The following GALNT13 variants were observed in gnomAD, a reference collection of about 807,000 sequenced individuals.
GALNT13 encodes UDP-GalNAc:polypeptide N-acetylgalactosaminyltransferase 13.
Under a neutral mutation model 64.2 loss-of-function variants are expected in GALNT13, and 28 were observed. The observed-to-expected ratio is 0.44, with a 90% CI of 0.32 to 0.60. GALNT13 has a LOEUF of 0.60. Among genes scored for constraint, GALNT13 ranks in the 20% least tolerant of loss-of-function variants. The pLI, the probability that GALNT13 is intolerant of heterozygous loss-of-function variation, is 0.05. For missense variants in GALNT13, 577 were observed against 669.8 expected, an observed-to-expected ratio of 0.86 and a Z score of 1.53; for synonymous variants, 214 against 224.6, an observed-to-expected ratio of 0.95 and a Z score of 0.42.
Position 154,164,608 on chromosome 2 carries a change from G to T in GALNT13, c.311+24103G>T, listed in dbSNP as rs374840266. ...AACTCTGTTGACTAAACAGAGAATT[G>T]TTATGTTAAGTTAAAAGGTTTTTTC... is the stretch of plus-strand genomic sequence containing the variant. On this transcript the variant is annotated intron_variant, in intron 4 of 12. Coordinates refer to ENST00000392825, the MANE Select transcript of GALNT13 (RefSeq NM_052917.4). 5.3e-5 allele frequency among the ~76,000 whole-genome samples: 8 copies of T among 152,016 alleles called. No homozygotes were observed. The East Asian group carries it at 5.8e-4, about 11-fold the overall frequency.
the GALNT13 span, among the ~76,000 whole-genome samples, chr2:153,540,828 C>A: frequency 6.6e-6 from 1 of 152,192 alleles, no homozygotes; most frequent in Admixed American, 6.5e-5. Context: ...TGTATTTACC[C>A]AATATCTGTA....
At chr2:154,310,236 G>T (rs1260504975) in intron 9 of GALNT13, among the ~76,000 whole-genome samples, 1 of 152,094 alleles carries the variant, frequency 6.6e-6, no homozygotes, top group African/African-American at 2.4e-5. Flanking sequence ...CCCACTAAAT[G>T]ATGTGAATAA....
the GALNT13 span, among the ~76,000 whole-genome samples, chr2:153,202,506 G>T: frequency 6.6e-6 from 1 of 152,264 alleles, no homozygotes; most frequent in South Asian, 2.1e-4. Flanking sequence ...CAAATTCTGT[G>T]GAATAACTGC....
intron 9 of GALNT13, among the ~76,000 whole-genome samples, chr2:154,378,932 C>G (rs1166249863): frequency 6.6e-6 from 1 of 152,028 alleles, no homozygotes; most frequent in African/African-American, 2.4e-5. Flanking sequence ...CAAGACTCTT[C>G]TCTCTTCATT....
the GALNT13 span, among the ~76,000 whole-genome samples, chr2:153,076,897 C>T: frequency 1.3e-5 from 2 of 151,590 alleles, no homozygotes; most frequent in Non-Finnish European, 2.9e-5. Flanking sequence ...GCTATTCTGA[C>T]TAATCTTGCG....
At chr2:154,276,955 G>T (rs1157066399) in intron 8 of GALNT13, among the ~76,000 whole-genome samples, 1 of 152,132 alleles carries the variant, frequency 6.6e-6, no homozygotes, top group Non-Finnish European at 1.5e-5. Flanking sequence ...CAGCCATGCT[G>T]AACTGTGAGT....
chr2:153,599,377 CT>C, the GALNT13 span, among the ~76,000 whole-genome samples: 3 of 152,026 alleles, frequency 2.0e-5, no homozygotes, highest in Non-Finnish European at 4.4e-5. Flanking sequence ...ATCAATCTCT[CT>C]TCATCCTTCC....
At chr2:154,243,036 C>T (rs1689582073) in intron 6 of GALNT13, 131 bp downstream of exon 6, 16 of 662,110 alleles carry the variant, frequency 2.4e-5, no homozygotes, top group East Asian at 1.1e-4. Flanking sequence ...CTTAAAAGCA[C>T]GTTTTCCCAC....
At chr2:153,448,129 A>T in the GALNT13 span, among the ~76,000 whole-genome samples, 2 of 152,200 alleles carry the variant, frequency 1.3e-5, no homozygotes, top group Non-Finnish European at 2.9e-5. Context: ...TTTGGATTGC[A>T]TATGATGTCT....
At chr2:153,884,029 G>A (rs1005689780) in intron 1 of GALNT13, among the ~76,000 whole-genome samples, 25 of 152,068 alleles carry the variant, frequency 1.6e-4, no homozygotes, top group Middle Eastern at 3.4e-3. Flanking sequence ...GGACTGGAGA[G>A]AGTTGAAGGA....
rs527820324 is a variant in GALNT13, at chr2:154,313,214, TAC to T, written c.1156+11634_1156+11635del. ...ATATATGTACACATATGTGTATACA[TAC>T]ACACACACTATATATATATTTATGC... On this transcript the variant is annotated intron_variant, in intron 9 of 12. Transcript: ENST00000392825. 1.1e-3 allele frequency among the ~76,000 whole-genome samples: 166 copies of T among 149,300 alleles called. 1 individual carries two copies. Among genetic ancestry groups the T allele is most frequent in the African/African-American group, 3.8e-3 (154 of 40,830 alleles).
chr2:154,179,933 T>A (rs1387424228), intron 4 of GALNT13, among the ~76,000 whole-genome samples: 1 of 152,110 alleles, frequency 6.6e-6, no homozygotes, highest in Non-Finnish European at 1.5e-5. Context: ...GAGGCAGATG[T>A]TTTGGACACA....
the GALNT13 span, among the ~76,000 whole-genome samples, chr2:153,396,542 C>T: frequency 2.0e-5 from 3 of 151,900 alleles, no homozygotes; most frequent in African/African-American, 7.3e-5. Flanking sequence ...GTTTTCTGCG[C>T]AATGTAATGT....
the GALNT13 span, among the ~76,000 whole-genome samples, chr2:153,740,072 A>G: frequency 3.9e-5 from 6 of 152,008 alleles, no homozygotes; most frequent in African/African-American, 1.4e-4. Context: ...TTTTGCAAAT[A>G]AATGTTGTCT....
intron 9 of GALNT13, among the ~76,000 whole-genome samples, chr2:154,336,113 A>G (rs149998936): frequency 3.9e-5 from 6 of 152,110 alleles, no homozygotes; most frequent in African/African-American, 1.4e-4. Flanking sequence ...ATCCAGTGTC[A>G]TCCACATATA....
chr2:153,402,659 T>A, the GALNT13 span, among the ~76,000 whole-genome samples: 1 of 152,158 alleles, frequency 6.6e-6, no homozygotes, highest in Non-Finnish European at 1.5e-5. Flanking sequence ...ACTTCCCTTC[T>A]CGCTTCATTT....
At chr2:153,251,952 G>A in the GALNT13 span, among the ~76,000 whole-genome samples, 1 of 151,954 alleles carries the variant, frequency 6.6e-6, no homozygotes. Flanking sequence ...TGTCTTTATA[G>A]CAGCATGATT....
intron 6 of GALNT13, among the ~76,000 whole-genome samples, chr2:154,244,817 C>T (rs924459172): frequency 6.6e-6 from 1 of 152,088 alleles, no homozygotes; most frequent in African/African-American, 2.4e-5. Context: ...CAACCTTTCT[C>T]TTACTTTAAG....
the GALNT13 span, among the ~76,000 whole-genome samples, chr2:153,581,015 G>C: frequency 1.3e-5 from 2 of 152,066 alleles, no homozygotes; most frequent in Non-Finnish European, 2.9e-5. Context: ...TTCTTGCTTA[G>C]AGATACTTAT....
Sources: allele counts gnomAD v4.1 joint callset (sites outside exome capture counted in the v4.1 genomes callset), GRCh38; gene constraint gnomAD v4.1.1; transcripts MANE v1.5; gene names NCBI Gene and HGNC (gene_info 2026-07-23, HGNC 2026-07-21).